ATP13A5: variants seen among roughly 807,000 people sequenced by gnomAD.
ATP13A5 encodes the protein ATPase 13A5.
A neutral mutation model predicts 150.2 loss-of-function variants in ATP13A5; 149 were observed. The ratio of observed to expected loss-of-function variants is 0.99; its 90% CI spans 0.87 to 1.14. The LOEUF (loss-of-function observed/expected upper bound fraction) is 1.14, where lower values mean the gene tolerates loss of function less well. Among genes scored for constraint, ATP13A5 ranks in the 50% most tolerant of loss-of-function variants. The pLI is 0.00. For missense variants in ATP13A5, 1,383 were observed against 1,449.3 expected, an observed-to-expected ratio of 0.95 and a Z score of 0.74; for synonymous variants, 497 against 522.2, an observed-to-expected ratio of 0.95 and a Z score of 0.66.
intron 28 of ATP13A5, among the ~76,000 whole-genome samples, chr3:193,278,861 G>A (rs1418280367): frequency 6.6e-6 from 1 of 152,090 alleles, no homozygotes; most frequent in Non-Finnish European, 1.5e-5. Context: ...ACAATACGGG[G>A]TCCAAGAATT....
At chr3:193,332,294 C>G (rs952870922) in intron 11 of ATP13A5, among the ~76,000 whole-genome samples, 1 of 152,198 alleles carries the variant, frequency 6.6e-6, no homozygotes, top group African/African-American at 2.4e-5. Context: ...GCCTCCCCAG[C>G]CATGTGGAAC....
intron 9 of ATP13A5, among the ~76,000 whole-genome samples, chr3:193,336,705 A>C (rs554532386): frequency 5.9e-5 from 9 of 152,334 alleles, no homozygotes; most frequent in Admixed American, 2.0e-4. Context: ...ATACGTGTGC[A>C]TGTGTCTTTA....
rs1259635679 is a variant in ATP13A5 at position 193,363,329 on chromosome 3, T to C, written c.291A>G (p.Thr97=). The C allele has an allele frequency of 6.2e-7, 1 of 1,613,902 alleles. No homozygotes were observed. The highest frequency in any genetic ancestry group is 1.1e-5 in the South Asian group (1 of 91,054). ...ACTTCTTGCTTACAGGAAACTTCAG[T>C]GTGGATAAGTAGAGGCAGAATACCT... ...RKKVFCLYLS[T]LKFPVSKKWE... The change falls in exon 3 of 30, where the codon ACA becomes ACG. Residue 97 remains threonine (T), a synonymous_variant. Coordinates refer to ENST00000342358, the MANE Select transcript of ATP13A5 (RefSeq NM_198505.4).
intron 1 of ATP13A5, among the ~76,000 whole-genome samples, chr3:193,366,412 C>G (rs1221939281): frequency 6.6e-6 from 1 of 151,888 alleles, no homozygotes; most frequent in African/African-American, 2.4e-5. Flanking sequence ...GGAAAGTATA[C>G]TGGGCAAACA....
chr3:193,320,746 G>A lies in ATP13A5; in HGVS notation c.1915+935C>T, dbSNP rs566696360. Among the ~76,000 whole-genome samples, 13 of 152,168 alleles carry A rather than the reference G, an allele frequency of 8.5e-5. No homozygotes were observed. In the Middle Eastern group the frequency reaches 0.024, roughly 279 times the overall value. ...CATAAGGAGAGTCTACATGAAAATC[G>A]GAAGACAAAAAGACCAATTTTATCC... On this transcript the variant is annotated intron_variant, in intron 16 of 29. Transcript: ENST00000342358.
At chr3:193,352,853 A>C (rs1712617994) in intron 6 of ATP13A5, among the ~76,000 whole-genome samples, 1 of 152,196 alleles carries the variant, frequency 6.6e-6, no homozygotes, top group Non-Finnish European at 1.5e-5. Flanking sequence ...TTTATGGGTT[A>C]GAAATAGACT....
chr3:193,303,257 T>C (rs1718475122), intron 23 of ATP13A5, among the ~76,000 whole-genome samples: 1 of 152,034 alleles, frequency 6.6e-6, no homozygotes, highest in African/African-American at 2.4e-5. Context: ...CTGGAATTCC[T>C]TCTCACCTCC....
At chr3:193,368,909 TAAAA>T (rs923808969) in intron 1 of ATP13A5, among the ~76,000 whole-genome samples, 10 of 152,070 alleles carry the variant, frequency 6.6e-5, no homozygotes, top group Non-Finnish European at 1.3e-4. Flanking sequence ...AAACAGAAAA[TAAAA>T]AGAAAGACAA....
chr3:193,307,264 C>A (rs938099129), intron 22 of ATP13A5, 63 bp downstream of exon 22: 1 of 1,611,502 alleles, frequency 6.2e-7, no homozygotes. Flanking sequence ...CCCAGGAGAG[C>A]CTGAGGTCCT....
At chr3:193,327,129 C>T (rs1397431969) in intron 12 of ATP13A5, 72 bp from the exon 13 acceptor site, 1 of 1,345,076 alleles carries the variant, frequency 7.4e-7, no homozygotes, top group East Asian at 2.6e-5. Flanking sequence ...TAAACAAAAC[C>T]CAAGTTTCTA....
intron 9 of ATP13A5, among the ~76,000 whole-genome samples, chr3:193,340,245 A>C (rs977049202): frequency 3.9e-5 from 6 of 152,164 alleles, no homozygotes; most frequent in African/African-American, 7.2e-5. Context: ...AGTCCTTTTA[A>C]TTTATAGTTC....
intron 1 of ATP13A5, among the ~76,000 whole-genome samples, chr3:193,376,189 C>A (rs1461584914): frequency 6.6e-6 from 1 of 152,186 alleles, no homozygotes; most frequent in Non-Finnish European, 1.5e-5. Context: ...AGATTTCTGG[C>A]TTCCCTCGAT....
intron 11 of ATP13A5, 76 bp downstream of exon 11, chr3:193,333,674 C>G: frequency 1.4e-6 from 2 of 1,418,408 alleles, no homozygotes; most frequent in South Asian, 2.6e-5. Context: ...AAGATGTAAC[C>G]TAAACCAATC....
At chr3:193,275,583 A>AC (rs141138095) in intron 29 of ATP13A5, among the ~76,000 whole-genome samples, 4,950 of 152,284 alleles carry the variant, frequency 0.033, 139 homozygotes, top group Non-Finnish European at 0.051. Flanking sequence ...TTCCCCTCAG[A>AC]CTGAAATGGT....
chr3:193,335,138 A>C, intron 9 of ATP13A5, 39 bp from the exon 10 acceptor site: 1 of 1,602,510 alleles, frequency 6.2e-7, no homozygotes, highest in Non-Finnish European at 8.5e-7. Flanking sequence ...ATGTAAGCTC[A>C]GGTAGTTGGT....
intron 5 of ATP13A5, among the ~76,000 whole-genome samples, chr3:193,360,169 A>G (rs1207150049): frequency 6.6e-6 from 1 of 151,980 alleles, no homozygotes; most frequent in Admixed American, 6.6e-5. Context: ...GGAACATGGA[A>G]CTCCTGGGAC....
chr3:193,311,534 G>A lies in ATP13A5; in HGVS notation c.2445+282C>T, dbSNP rs756954619. ...CAAGCACCGTGTTTGGAACTCTGCC[G>A]TTCTCCTGGGTGGGGAGGGAAAGAA... On this transcript the variant is annotated intron_variant, in intron 20 of 29. Transcript: ENST00000342358. 1.1e-4 allele frequency among the ~76,000 whole-genome samples: 17 copies of A among 152,154 alleles called. No homozygotes were observed. The East Asian group carries it at 1.4e-3, about 12-fold the overall frequency.
rs1718863537 is a variant in ATP13A5 at position 193,311,877 on chromosome 3, A to G, written c.2384T>C (p.Phe795Ser). The part of the protein sequence containing the change: ...PRGEGGSCYH[F>S]AMSGKSYQVI... ...TTGGTATGATTTCCCACTCATTGCA[A>G]AATGGTAACAGCTTCCTCCTTCCCC... Residue 795 changes from phenylalanine (F) to serine (S), a missense_variant, in exon 20 of 30, where the codon TTT becomes TCT. Phe to Ser is a radical substitution (Grantham distance 155). Around this residue, in one of 3 missense-constraint regions of ATP13A5, gnomAD observed 568 missense variants for 621.5 expected, o/e 0.91. Transcript: ENST00000342358. 1 of 1,613,826 alleles carries G rather than the reference A, an allele frequency of 6.2e-7. No individual in the cohort carries two copies. The highest frequency in any genetic ancestry group is 1.1e-5 in the South Asian group (1 of 91,078).
At position 193,335,062 on chromosome 3, in the gene ATP13A5, C is replaced by T. The variant is rs200088291; in HGVS notation, c.981G>A (p.Gln327=). 1 of 1,613,946 alleles carries T rather than the reference C, an allele frequency of 6.2e-7. No individual in the cohort carries two copies. The highest frequency in any genetic ancestry group is 8.5e-7 in the Non-Finnish European group (1 of 1,179,822). The change falls in exon 10 of 30, where the codon CAG becomes CAA. Residue 327 remains glutamine, a synonymous_variant. Coordinates refer to ENST00000342358, the MANE Select transcript of ATP13A5 (RefSeq NM_198505.4). ...ATTTCCAAGGCATAGTGTTCTCCAT[C>T]TGGGGCAATGGTGTCTTTGTAACAG... ...SIPVTKTPLP[Q]MENTMPWKCH...
Sources: allele counts gnomAD v4.1 joint callset (sites outside exome capture counted in the v4.1 genomes callset), GRCh38; gene constraint gnomAD v4.1.1; regional missense constraint gnomAD v4.1.1; transcripts MANE v1.5; gene names NCBI Gene and HGNC (gene_info 2026-07-23, HGNC 2026-07-21).